PTBP2: variants seen among roughly 807,000 people sequenced by gnomAD.
PTBP2 encodes polypyrimidine tract binding protein 2.
In PTBP2, 13 loss-of-function variants were observed where a neutral mutation model predicts 61.4. That is an observed-to-expected ratio of 0.21 (90% CI 0.14 to 0.34). The LOEUF (loss-of-function observed/expected upper bound fraction) is 0.34. Among genes scored for constraint, PTBP2 ranks in the 10% least tolerant of loss-of-function variants. PTBP2 has a pLI of 1.00. For missense variants in PTBP2, 405 were observed against 642.6 expected (o/e 0.63, Z 4.00); for synonymous variants, 215 against 218.5 (o/e 0.98, Z 0.14).
intron 8 of PTBP2, among the ~76,000 whole-genome samples, chr1:96,787,393 A>G (rs1189013375): frequency 1.3e-5 from 2 of 152,192 alleles, no homozygotes; most frequent in African/African-American, 4.8e-5. Context: ...TCGCTTTGCC[A>G]AAAAATTGTC....
chr1:96,725,112 G>A lies in PTBP2; in HGVS notation c.39+1518G>A, dbSNP rs1207924808. Among the ~76,000 whole-genome samples, 3 of 152,254 alleles carry A rather than the reference G, an allele frequency of 2.0e-5. No individual in the cohort carries two copies. In the East Asian group the frequency reaches 5.8e-4, roughly 29 times the overall value. On this transcript the variant is annotated intron_variant, in intron 2 of 13. Transcript: ENST00000674951. ...AGGAATAGCTAAAGATTGCAAAATG[G>A]TAGATGTTGTAGGTTCCATCCAAAC...
chr1:96,780,163 A>G (rs1256196686), intron 7 of PTBP2, among the ~76,000 whole-genome samples: 1 of 152,084 alleles, frequency 6.6e-6, no homozygotes, highest in Non-Finnish European at 1.5e-5. Context: ...TCTAAGACCA[A>G]TAAACACCAA....
At chr1:96,786,745 C>T (rs187078111) in intron 8 of PTBP2, among the ~76,000 whole-genome samples, 3 of 152,082 alleles carry the variant, frequency 2.0e-5, no homozygotes, top group African/African-American at 7.2e-5. Flanking sequence ...AATTCACATG[C>T]AACTCATCAA....
intron 11 of PTBP2, among the ~76,000 whole-genome samples, chr1:96,810,723 TCA>T (rs1418534782): frequency 4.6e-5 from 7 of 152,206 alleles, no homozygotes; most frequent in African/African-American, 1.7e-4. Context: ...TTTCTCAAAC[TCA>T]CACTTAATAA....
At chr1:96,751,606 C>G in intron 3 of PTBP2, 106 bp downstream of exon 3, 1 of 728,522 alleles carries the variant, frequency 1.4e-6, no homozygotes, top group Non-Finnish European at 2.2e-6. Context: ...TTTTTAAATG[C>G]GTGTTGAAAC....
chr1:96,808,898 T>C (rs1661764261), intron 11 of PTBP2, among the ~76,000 whole-genome samples: 1 of 152,114 alleles, frequency 6.6e-6, no homozygotes, highest in Admixed American at 6.6e-5. Flanking sequence ...TCAAACTTGG[T>C]ATTTAAAAAG....
intron 3 of PTBP2, among the ~76,000 whole-genome samples, chr1:96,765,665 C>T (rs1656599263): frequency 6.6e-6 from 1 of 151,962 alleles, no homozygotes; most frequent in South Asian, 2.1e-4. Context: ...CAACCAAGAT[C>T]ATGCCACTGC....
At position 96,801,861 on chromosome 1, in the gene PTBP2, C is replaced by CAA. The variant is rs397861502; in HGVS notation, c.905-2922_905-2921dup. Among the ~76,000 whole-genome samples the CAA allele has an allele frequency of 2.4e-3, 179 of 75,504 alleles. 1 individual carries two copies. In the South Asian group the frequency reaches 0.039, roughly 17 times the overall value. 49.5% of individuals were successfully genotyped at this position (75,504 alleles called of 152,430 possible). A position where few individuals can be genotyped will look rare whatever the true frequency, so the allele number is the denominator to read the frequency against. On this transcript the variant is annotated intron_variant, in intron 8 of 13. Coordinates refer to ENST00000674951, the MANE Select transcript of PTBP2 (RefSeq NM_021190.4). The stretch of plus-strand genomic sequence containing the variant: ...GGGGGACAAGAGCAAGACTCCATCT[C>CAA]AAAAAAAAAAAAAAAAAAGTTATTG...
intron 2 of PTBP2, among the ~76,000 whole-genome samples, chr1:96,741,356 G>C (rs990922484): frequency 1.3e-5 from 2 of 152,042 alleles, no homozygotes; most frequent in African/African-American, 4.8e-5. Flanking sequence ...GACATCCCAG[G>C]CTCTAGCAAT....
intron 2 of PTBP2, among the ~76,000 whole-genome samples, chr1:96,743,076 G>A (rs1248370814): frequency 6.6e-6 from 1 of 151,978 alleles, no homozygotes; most frequent in Non-Finnish European, 1.5e-5. Context: ...CACGAGGTCA[G>A]GAGATCAAGA....
chr1:96,738,989 A>G (rs1652609830), intron 2 of PTBP2, among the ~76,000 whole-genome samples: 1 of 152,210 alleles, frequency 6.6e-6, no homozygotes, highest in Non-Finnish European at 1.5e-5. Context: ...GTTCATAAAC[A>G]TTACAAATGT....
rs571601473 is a variant in PTBP2, at chr1:96,804,973, A to C, written c.1044+34A>C. 5 of 1,433,890 alleles carry C rather than the reference A, an allele frequency of 3.5e-6. No homozygotes were observed. The South Asian group carries it at 4.8e-5, about 14-fold the overall frequency. 88.8% of individuals were successfully genotyped at this position (1,433,890 alleles called of 1,614,324 possible). On this transcript the variant is annotated intron_variant, in intron 9 of 13. Transcript: ENST00000674951. ...AATAATCTCTAATGTTTATTCTTTA[A>C]CTCCATTTCATTTGTGAAAGTTTTT...
chr1:96,722,091 T>C (rs1023876112), intron 1 of PTBP2, among the ~76,000 whole-genome samples: 2 of 151,836 alleles, frequency 1.3e-5, no homozygotes, highest in Non-Finnish European at 2.9e-5. Flanking sequence ...TGGGGAGGCA[T>C]AGGGGCGATG....
chr1:96,817,043 A>T (rs1557789217), downstream of PTBP2: 1 of 152,196 alleles, frequency 6.6e-6, no homozygotes, highest in Non-Finnish European at 1.5e-5. Flanking sequence ...CCCAAGCCAG[A>T]TGAAAAGAAA....
intron 2 of PTBP2, among the ~76,000 whole-genome samples, chr1:96,728,954 A>T (rs988869890): frequency 2.0e-5 from 3 of 152,132 alleles, no homozygotes; most frequent in Non-Finnish European, 4.4e-5. Flanking sequence ...TATAGAAATG[A>T]TTATGGCATA....
intron 11 of PTBP2, among the ~76,000 whole-genome samples, chr1:96,812,206 A>G (rs1408523650): frequency 6.6e-6 from 1 of 152,218 alleles, no homozygotes; most frequent in Non-Finnish European, 1.5e-5. Context: ...TTTGTAATTT[A>G]TGAAGGTCAT....
chr1:96,725,589 A>T (rs1056193479), intron 2 of PTBP2, among the ~76,000 whole-genome samples: 2 of 138,806 alleles, frequency 1.4e-5, no homozygotes, highest in African/African-American at 6.7e-5. Context: ...AGAAGATGAT[A>T]AAAAAAAATT....
chr1:96,734,701 C>T (rs1651906381), intron 2 of PTBP2, among the ~76,000 whole-genome samples: 2 of 151,570 alleles, frequency 1.3e-5, no homozygotes, highest in Non-Finnish European at 2.9e-5. Context: ...TTCCATATTT[C>T]CAGTAAATTG....
At chr1:96,799,616 C>G (rs1277513858) in intron 8 of PTBP2, among the ~76,000 whole-genome samples, 1 of 152,066 alleles carries the variant, frequency 6.6e-6, no homozygotes, top group Non-Finnish European at 1.5e-5. Context: ...GCTAAAGATG[C>G]AAATCATTAA....
Sources: allele counts gnomAD v4.1 joint callset (sites outside exome capture counted in the v4.1 genomes callset), GRCh38; gene constraint gnomAD v4.1.1; transcripts MANE v1.5; gene names NCBI Gene and HGNC (gene_info 2026-07-23, HGNC 2026-07-21).